Variants in PCLAF observed in about 807,000 individuals in gnomAD.
PCLAF encodes PCNA-associated factor.
Under a neutral mutation model 15.1 loss-of-function variants are expected in PCLAF, and 12 were observed. The observed-to-expected ratio is 0.79, with a 90% CI of 0.51 to 1.29. The LOEUF (loss-of-function observed/expected upper bound fraction) is 1.29. Ranked by LOEUF, PCLAF falls within the 50% of genes most tolerant of loss-of-function variation. The pLI, the probability that PCLAF is intolerant of heterozygous loss-of-function variation, is 0.00. For missense variants in PCLAF, 116 were observed against 130.9 expected, an observed-to-expected ratio of 0.89 and a Z score of 0.56; for synonymous variants, 33 against 47.1, an observed-to-expected ratio of 0.70 and a Z score of 1.22.
intron 2 of PCLAF, among the ~76,000 whole-genome samples, 163 bp downstream of exon 2, chr15:64,380,795 C>A (rs116286195): frequency 6.6e-6 from 1 of 152,124 alleles, no homozygotes; most frequent in African/African-American, 2.4e-5. Context: ...AGACCTCCCC[C>A]CCACCTCTAC....
chr15:64,373,523 A>G (rs781763230), intron 3 of PCLAF: 34 of 1,152,906 alleles, frequency 2.9e-5, no homozygotes, highest in Non-Finnish European at 3.7e-5. Context: ...TAGAAGGGCA[A>G]GCAAGACCAC....
At chr15:64,369,581 A>G (rs558220282) in intron 3 of PCLAF, among the ~76,000 whole-genome samples, 2 of 152,024 alleles carry the variant, frequency 1.3e-5, no homozygotes, top group East Asian at 1.9e-4. Flanking sequence ...TTTGAGATGG[A>G]GTCTCACTTT....
At chr15:64,375,965 G>T (rs992776380) in intron 3 of PCLAF, among the ~76,000 whole-genome samples, 1 of 152,130 alleles carries the variant, frequency 6.6e-6, no homozygotes, top group African/African-American at 2.4e-5. Context: ...AGTGGCTCAC[G>T]CCTGTAATCC....
chr15:64,383,372 T>G (rs1435228362), upstream of PCLAF, among the ~76,000 whole-genome samples: 3 of 122,492 alleles, frequency 2.4e-5, no homozygotes. Flanking sequence ...TGTGTGTGTG[T>G]TTTTTTTTTT....
intron 1 of PCLAF, among the ~76,000 whole-genome samples, chr15:64,387,164 G>T (rs72758946): frequency 6.6e-6 from 1 of 151,832 alleles, no homozygotes; most frequent in East Asian, 1.9e-4. Flanking sequence ...ACTACAGGGG[G>T]TATTAAAAAT....
intron 3 of PCLAF, among the ~76,000 whole-genome samples, chr15:64,368,532 G>A (rs1018210357): frequency 1.3e-5 from 2 of 152,062 alleles, no homozygotes; most frequent in Admixed American, 6.6e-5. Flanking sequence ...CTTCCCCCAC[G>A]CAACTGCTGG....
chr15:64,364,831 CAT>C lies in PCLAF; in HGVS notation c.*1197_*1198del, dbSNP rs1898966427. 1 of 150,638 alleles carries C rather than the reference CAT, an allele frequency of 6.6e-6. No homozygotes were observed. The highest frequency in any genetic ancestry group is 1.9e-4 in the East Asian group (1 of 5,140). The allele number at this position is 150,638 out of a possible 1,614,324, so 9.3% of individuals were successfully genotyped here. A position where few individuals can be genotyped will look rare whatever the true frequency, so the allele number is the denominator to read the frequency against. The stretch of plus-strand genomic sequence containing the variant: ...CCTCCTGAGTAGCTGGGATTACAGG[CAT>C]GTGCCACCATGCCTGGCTCATTTTT... On this transcript the variant is annotated 3_prime_UTR_variant, in exon 4 of 4. Coordinates refer to ENST00000300035, the MANE Select transcript of PCLAF (RefSeq NM_014736.6).
At position 64,364,552 on chromosome 15, in the gene PCLAF, A is replaced by G. The variant is rs1356708494; in HGVS notation, c.*1478T>C. 1.3e-5 allele frequency: 2 copies of G among 152,120 alleles called. No homozygotes were observed. Among genetic ancestry groups the G allele is most frequent in the South Asian group, 2.1e-4 (1 of 4,830 alleles). 9.4% of individuals were successfully genotyped at this position (152,120 alleles called of 1,614,324 possible). A position where few individuals can be genotyped will look rare whatever the true frequency, so the allele number is the denominator to read the frequency against. On this transcript the variant is annotated 3_prime_UTR_variant, in exon 4 of 4. Transcript: ENST00000300035. ...TATATTGACTTCCAACTTTAAAATT[A>G]TATTTTATGATAGCGAATCAAATGC... is the stretch of plus-strand genomic sequence containing the variant.
upstream of PCLAF, among the ~76,000 whole-genome samples, chr15:64,381,879 C>T (rs1899833191): frequency 6.6e-6 from 1 of 152,066 alleles, no homozygotes. Flanking sequence ...TCCTTTAGTC[C>T]CCCAGGCATG....
At chr15:64,384,179 G>A (rs925037793), upstream of PCLAF, among the ~76,000 whole-genome samples, 1 of 152,042 alleles carries the variant, frequency 6.6e-6, no homozygotes, top group Non-Finnish European at 1.5e-5. Context: ...CTGTCATCCA[G>A]GCTGGAATGC....
At chr15:64,377,000 A>C in intron 2 of PCLAF, 95 bp from the exon 3 acceptor site, 1 of 927,138 alleles carries the variant, frequency 1.1e-6, no homozygotes, top group Non-Finnish European at 1.6e-6. Flanking sequence ...CAAATTCTCA[A>C]AGGTATTAAA....
rs1290589961 is a variant in PCLAF at position 64,366,339 on chromosome 15, T to TA, written c.291-265dup. Among the ~76,000 whole-genome samples the TA allele has an allele frequency of 5.3e-5, 8 of 152,286 alleles. No individual in the cohort carries two copies. The East Asian group carries it at 1.3e-3, about 26-fold the overall frequency. ...CTTTAGACTACGTTGTAATTTTTAT[T>TA]AAAAAAAGAATCTATTTATATAGCA... is the stretch of plus-strand genomic sequence containing the variant. On this transcript the variant is annotated intron_variant, in intron 3 of 3. Coordinates refer to ENST00000300035, the MANE Select transcript of PCLAF (RefSeq NM_014736.6).
At chr15:64,381,552 G>A, upstream of PCLAF, 4 of 1,470,020 alleles carry the variant, frequency 2.7e-6, no homozygotes, top group South Asian at 5.5e-5. Flanking sequence ...TGAACCAATT[G>A]CCAATGCCCA....
At chr15:64,377,504 T>A (rs868367714) in intron 2 of PCLAF, among the ~76,000 whole-genome samples, 2,240 of 41,212 alleles carry the variant, frequency 0.054, 350 homozygotes, top group African/African-American at 0.071. Context: ...TATATATATA[T>A]ATATATATAT....
At chr15:64,376,940 C>G in intron 2 of PCLAF, 35 bp from the exon 3 acceptor site, 1 of 1,548,616 alleles carries the variant, frequency 6.5e-7, no homozygotes, top group South Asian at 1.2e-5. Flanking sequence ...TAGATAAGTG[C>G]TAATAATACA....
chr15:64,387,440 AACTT>A (rs1472595407), intron 1 of PCLAF: 9 of 1,216,962 alleles, frequency 7.4e-6, no homozygotes, highest in African/African-American at 6.4e-5. Flanking sequence ...CCAGAGCAAA[AACTT>A]ACAGCGCTTA....
Position 64,365,991 on chromosome 15 carries a change from T to C in PCLAF, c.*39A>G. 1 of 1,503,992 alleles carries C rather than the reference T, an allele frequency of 6.6e-7. No homozygotes were observed. The highest frequency in any genetic ancestry group is 9.2e-7 in the Non-Finnish European group (1 of 1,084,016). 93.2% of individuals were successfully genotyped at this position (1,503,992 alleles called of 1,614,324 possible). On this transcript the variant is annotated 3_prime_UTR_variant, in exon 4 of 4. Coordinates refer to ENST00000300035, the MANE Select transcript of PCLAF (RefSeq NM_014736.6). ...AAATTTACATTCTAGAATACCAGGG[T>C]AAACAAGGAGACGTTATTCAAAGAT...
intron 3 of PCLAF, among the ~76,000 whole-genome samples, chr15:64,367,984 C>T (rs1278699053): frequency 1.3e-5 from 2 of 151,924 alleles, no homozygotes; most frequent in Non-Finnish European, 2.9e-5. Context: ...ATCCAGCAAT[C>T]CTTGATGGGC....
intron 1 of PCLAF, 143 bp from the exon 2 acceptor site, chr15:64,381,181 T>C (rs1202201888): frequency 8.3e-7 from 1 of 1,203,258 alleles, no homozygotes; most frequent in Non-Finnish European, 1.2e-6. Context: ...CTTCCTCTTC[T>C]AGGTAAAGGG....
Sources: gnomAD v4.1 joint callset for allele counts (sites outside exome capture counted in the v4.1 genomes callset) on GRCh38, gnomAD v4.1.1 for gene constraint, MANE v1.5 for transcripts, NCBI Gene and HGNC (gene_info 2026-07-23, HGNC 2026-07-21) for gene names.